GRID2: variants seen among roughly 807,000 people sequenced by gnomAD.
The protein encoded by GRID2 is glutamate receptor ionotropic, delta-2.
GRID2 carries 33 observed loss-of-function variants against 114.8 expected under a neutral mutation model. That is an observed-to-expected ratio of 0.29 (90% confidence interval 0.22 to 0.38). The LOEUF (loss-of-function observed/expected upper bound fraction) is 0.38. GRID2 is among the 10% of genes least tolerant of loss of function. The pLI is 1.00. For synonymous variants in GRID2, 505 were observed against 449.9 expected, an observed-to-expected ratio of 1.12 and a Z score of -1.55; for missense variants, 1,184 against 1,257.7, an observed-to-expected ratio of 0.94 and a Z score of 0.89.
In GRID2 at chr4:93,253,688, A is replaced by C. The variant is rs556240349; in HGVS notation, c.1245+15198A>C. On this transcript the variant is annotated intron_variant, in intron 8 of 15. Transcript: ENST00000282020. ...AATCCATGTCTGTAGTTTCCGTAAG[A>C]GCATAAGTGAACACACACATAAAAT... 2.6e-4 allele frequency among the ~76,000 whole-genome samples: 40 copies of C among 152,152 alleles called. 1 individual carries two copies. Among genetic ancestry groups the C allele is most frequent in the Non-Finnish European group, 1.8e-4 (12 of 68,004 alleles).
At chr4:92,940,175 A>G (rs935989786) in intron 2 of GRID2, among the ~76,000 whole-genome samples, 1 of 146,962 alleles carries the variant, frequency 6.8e-6, no homozygotes, top group African/African-American at 2.4e-5. Flanking sequence ...CATTTTCACA[A>G]TATTGATTCT....
chr4:93,668,414 A>G (rs1240179226), intron 14 of GRID2, among the ~76,000 whole-genome samples: 3 of 151,726 alleles, frequency 2.0e-5, no homozygotes, highest in Admixed American at 2.0e-4. Flanking sequence ...ACTTTTTATA[A>G]TTCCTATTGC....
intron 14 of GRID2, among the ~76,000 whole-genome samples, chr4:93,667,067 A>T (rs895843865): frequency 2.6e-5 from 4 of 152,050 alleles, no homozygotes; most frequent in African/African-American, 9.7e-5. Context: ...CTTTACTAGG[A>T]TCTAGAGATA....
chr4:92,785,419 A>C (rs1739270540), intron 2 of GRID2, among the ~76,000 whole-genome samples: 1 of 151,404 alleles, frequency 6.6e-6, no homozygotes, highest in Admixed American at 6.6e-5. Flanking sequence ...TTCTTTCATT[A>C]AAACTGCAAC....
chr4:92,492,202 G>A (rs1402801897), intron 1 of GRID2, among the ~76,000 whole-genome samples: 2 of 152,080 alleles, frequency 1.3e-5, no homozygotes, highest in African/African-American at 4.8e-5. Flanking sequence ...TAAAACTGTT[G>A]TTTTCCTATG....
At chr4:92,649,726 C>T (rs1319229915) in intron 2 of GRID2, among the ~76,000 whole-genome samples, 1 of 151,886 alleles carries the variant, frequency 6.6e-6, no homozygotes, top group Non-Finnish European at 1.5e-5. Context: ...AACTATCCTG[C>T]CTGCAACCAA....
In GRID2 at chr4:93,178,788, A is replaced by T. The variant is rs866480138; in HGVS notation, c.736-28616A>T. Among the ~76,000 whole-genome samples the T allele has an allele frequency of 3.0e-3, 462 of 151,672 alleles. 3 individuals are homozygous for T. The highest frequency in any genetic ancestry group is 0.017 in the Middle Eastern group (5 of 292). On this transcript the variant is annotated intron_variant, in intron 4 of 15. Transcript: ENST00000282020. ...ATTTTAAGAAATGGAGTTTTAAAAA[A>T]TCTTTATGTTCTTAACTGGTAAACA...
chr4:93,227,292 A>G (rs1249341224), intron 7 of GRID2, among the ~76,000 whole-genome samples: 1 of 151,982 alleles, frequency 6.6e-6, no homozygotes, highest in Non-Finnish European at 1.5e-5. Flanking sequence ...CAGTGGTGCA[A>G]TCTCAGCTCA....
intron 1 of GRID2, among the ~76,000 whole-genome samples, chr4:92,335,839 T>C (rs776318255): frequency 2.0e-4 from 30 of 152,128 alleles, no homozygotes; most frequent in Non-Finnish European, 4.3e-4. Context: ...ATTCCAAGCA[T>C]TGGTTTATCT....
chr4:93,002,839 G>A (rs1448718173), intron 2 of GRID2, among the ~76,000 whole-genome samples: 1 of 151,624 alleles, frequency 6.6e-6, no homozygotes, highest in Non-Finnish European at 1.5e-5. Flanking sequence ...CAACAGGGCT[G>A]GCTTCTTTTG....
chr4:93,312,361 G>A (rs896317358), intron 8 of GRID2, among the ~76,000 whole-genome samples: 1 of 152,168 alleles, frequency 6.6e-6, no homozygotes, highest in Non-Finnish European at 1.5e-5. Flanking sequence ...GCTGAAAATT[G>A]GATTGTGTTT....
At chr4:93,229,571 G>A (rs956953095) in intron 7 of GRID2, among the ~76,000 whole-genome samples, 2 of 152,040 alleles carry the variant, frequency 1.3e-5, no homozygotes, top group African/African-American at 4.8e-5. Context: ...TATTATGATG[G>A]GAATATTCTA....
At chr4:93,617,449 C>T (rs951914907) in intron 13 of GRID2, among the ~76,000 whole-genome samples, 3 of 152,140 alleles carry the variant, frequency 2.0e-5, no homozygotes, top group African/African-American at 7.2e-5. Context: ...GTTTTTACAT[C>T]GTTTTCCTCC....
chr4:93,759,517 T>A (rs1733032083), intron 14 of GRID2, among the ~76,000 whole-genome samples: 1 of 152,188 alleles, frequency 6.6e-6, no homozygotes, highest in African/African-American at 2.4e-5. Flanking sequence ...GGAGAATTGT[T>A]TAAACTCTAA....
At chr4:93,156,502 T>G (rs910938309) in intron 4 of GRID2, among the ~76,000 whole-genome samples, 11 of 151,702 alleles carry the variant, frequency 7.3e-5, no homozygotes, top group African/African-American at 2.4e-4. Flanking sequence ...AAGAAGAAGA[T>G]TCACAGGCCC....
chr4:92,833,545 A>G (rs1742258959), intron 2 of GRID2: 1 of 152,190 alleles, frequency 6.6e-6, no homozygotes, highest in African/African-American at 2.4e-5. Flanking sequence ...CAGACAGAAG[A>G]AGTAATCATA....
intron 9 of GRID2, among the ~76,000 whole-genome samples, chr4:93,410,907 T>C (rs558535206): frequency 6.6e-6 from 1 of 152,318 alleles, no homozygotes; most frequent in African/African-American, 2.4e-5. Context: ...ACCTCCTTCA[T>C]TGGATTCTCT....
chr4:93,233,488 G>A (rs563130792), intron 7 of GRID2, among the ~76,000 whole-genome samples: 18 of 151,496 alleles, frequency 1.2e-4, no homozygotes, highest in South Asian at 6.2e-4. Flanking sequence ...GATTACAGGC[G>A]CGCACCACCA....
chr4:92,753,271 A>G (rs974302383), intron 2 of GRID2, among the ~76,000 whole-genome samples: 2 of 152,190 alleles, frequency 1.3e-5, no homozygotes, highest in South Asian at 4.1e-4. Context: ...TTAGTGATCT[A>G]TAGAATGATA....
Sources: allele counts gnomAD v4.1 joint callset (sites outside exome capture counted in the v4.1 genomes callset), GRCh38; gene constraint gnomAD v4.1.1; transcripts MANE v1.5; gene names NCBI Gene and HGNC (gene_info 2026-07-23, HGNC 2026-07-21).